ADAMTS17: variants seen among roughly 807,000 people sequenced by gnomAD.
The protein encoded by ADAMTS17 is ADAM metallopeptidase with thrombospondin type 1 motif 17.
A neutral mutation model predicts 141.5 loss-of-function variants in ADAMTS17; 113 were observed. That is an observed-to-expected ratio of 0.80 (90% CI 0.69 to 0.93). The LOEUF is 0.93. Among genes scored for constraint, ADAMTS17 ranks in the 40% least tolerant of loss-of-function variants. ADAMTS17 has a pLI of 0.00. For missense variants in ADAMTS17, 1,659 were observed against 1,517.9 expected (o/e 1.09, Z -1.54); for synonymous variants, 768 against 630.6 (o/e 1.22, Z -3.27).
intron 4 of ADAMTS17, among the ~76,000 whole-genome samples, chr15:100,270,554 C>G (rs761871236): frequency 2.0e-5 from 3 of 151,828 alleles, no homozygotes; most frequent in Non-Finnish European, 4.4e-5. Flanking sequence ...CTGAATCCTT[C>G]GCAAAGGATG....
chr15:100,182,296 A>T (rs2040552054), intron 8 of ADAMTS17, among the ~76,000 whole-genome samples: 1 of 152,264 alleles, frequency 6.6e-6, no homozygotes, highest in Non-Finnish European at 1.5e-5. Flanking sequence ...AAATGATCAG[A>T]TCTGGTGAGC....
At chr15:100,110,650 T>C (rs1486384062) in intron 13 of ADAMTS17, among the ~76,000 whole-genome samples, 2 of 152,090 alleles carry the variant, frequency 1.3e-5, no homozygotes, top group East Asian at 3.9e-4. Flanking sequence ...ATTTTTCTCC[T>C]CTCTCTCTCT....
At chr15:100,314,331 A>C (rs1191707380) in intron 3 of ADAMTS17, among the ~76,000 whole-genome samples, 1 of 152,262 alleles carries the variant, frequency 6.6e-6, no homozygotes, top group Non-Finnish European at 1.5e-5. Flanking sequence ...CGTATTAGAT[A>C]ACAGTATTGT....
At chr15:100,008,977 C>T (rs1343277508) in intron 18 of ADAMTS17, among the ~76,000 whole-genome samples, 2 of 152,264 alleles carry the variant, frequency 1.3e-5, no homozygotes, top group East Asian at 1.9e-4. Context: ...ATAGCTGGGA[C>T]GACAGGCGTG....
Position 99,997,633 on chromosome 15 carries a change from G to A in ADAMTS17, c.2592-44C>T, listed in dbSNP as rs773881815. The stretch of plus-strand genomic sequence containing the variant: ...GAGAGAGAGAACGACTGGGTGAGAG[G>A]CCAGCCTCTCCGGAGGGCCTTCCGG... On this transcript the variant is annotated intron_variant, in intron 18 of 21. Coordinates refer to ENST00000268070, the MANE Select transcript of ADAMTS17 (RefSeq NM_139057.4). The surrounding 1 kb of genome is among the most constrained non-coding windows in gnomAD (Gnocchi z 4.7). The A allele has an allele frequency of 1.9e-6, 3 of 1,609,260 alleles. No homozygotes were observed. The highest frequency in any genetic ancestry group is 2.0e-4 in the Middle Eastern group (1 of 5,020).
intron 15 of ADAMTS17, among the ~76,000 whole-genome samples, chr15:100,075,040 GT>G (rs150015035): frequency 0.039 from 5,944 of 151,940 alleles, 417 homozygotes; most frequent in African/African-American, 0.14. Context: ...TGTTATTTTT[GT>G]TTTATTTAAT....
intron 7 of ADAMTS17, among the ~76,000 whole-genome samples, chr15:100,245,626 T>G (rs1462666101): frequency 6.6e-6 from 1 of 152,220 alleles, no homozygotes; most frequent in African/African-American, 2.4e-5. Flanking sequence ...ACAAGAAAAG[T>G]TGAACTTGGT....
intron 7 of ADAMTS17, among the ~76,000 whole-genome samples, chr15:100,220,390 C>T (rs2042097233): frequency 6.6e-6 from 1 of 152,178 alleles, no homozygotes; most frequent in South Asian, 2.1e-4. Context: ...GAACGCTTCA[C>T]TGTGAAAATA....
At chr15:100,323,177 T>C (rs949465226) in intron 3 of ADAMTS17, among the ~76,000 whole-genome samples, 1 of 151,046 alleles carries the variant, frequency 6.6e-6, no homozygotes, top group Non-Finnish European at 1.5e-5. Flanking sequence ...ATTTATAGCA[T>C]AATATTTACT....
chr15:100,018,185 G>GC (rs59012356), intron 18 of ADAMTS17, among the ~76,000 whole-genome samples: 23,201 of 152,066 alleles, frequency 0.15, 4,828 homozygotes, highest in African/African-American at 0.47. Flanking sequence ...TCTGTGACGG[G>GC]TTTTCACTTA....
At chr15:100,119,945 T>C (rs10400854) in intron 12 of ADAMTS17, among the ~76,000 whole-genome samples, 19,835 of 152,252 alleles carry the variant, frequency 0.13, 1,544 homozygotes, top group Admixed American at 0.2. Context: ...ACCACTAACC[T>C]TATGAAATGG....
rs2060836753 is a variant in ADAMTS17 at position 99,997,872 on chromosome 15, T to G, written c.2592-283A>C. 6.6e-6 allele frequency among the ~76,000 whole-genome samples: 1 copy of G among 152,058 alleles called. No homozygotes were observed. The highest frequency in any genetic ancestry group is 2.4e-5 in the African/African-American group (1 of 41,418). The stretch of plus-strand genomic sequence containing the variant: ...TGGTCACGGCCTCCCTGTAGGGAAT[T>G]ACGTATCTGCTTGTCGTCATAGGAC... On this transcript the variant is annotated intron_variant, in intron 18 of 21. Transcript: ENST00000268070. This position sits in a 1 kb window ranked among gnomAD's most constrained non-coding sequence, Gnocchi z 4.7.
At chr15:100,187,868 G>A (rs1304755189) in intron 8 of ADAMTS17, among the ~76,000 whole-genome samples, 1 of 152,194 alleles carries the variant, frequency 6.6e-6, no homozygotes. Flanking sequence ...AAAGGCAAGA[G>A]AGCAAAGTCA....
intron 14 of ADAMTS17, among the ~76,000 whole-genome samples, chr15:100,104,801 C>T (rs890523616): frequency 6.6e-6 from 1 of 152,178 alleles, no homozygotes; most frequent in African/African-American, 2.4e-5. Flanking sequence ...TTTTCCTTAA[C>T]CATTTCTTTC....
chr15:99,974,602 G>T (rs1247878809), intron 21 of ADAMTS17, 40 bp from the exon 22 acceptor site: 3 of 1,613,414 alleles, frequency 1.9e-6, no homozygotes, highest in South Asian at 2.2e-5. Flanking sequence ...GTCAGGGATG[G>T]CCTAGGCATG....
chr15:100,148,025 C>A (rs1214634024), intron 10 of ADAMTS17, among the ~76,000 whole-genome samples: 1 of 152,228 alleles, frequency 6.6e-6, no homozygotes, highest in African/African-American at 2.4e-5. Context: ...CTTCATGCTT[C>A]TATTGCTACA....
intron 7 of ADAMTS17, among the ~76,000 whole-genome samples, chr15:100,250,150 CCAAAAAAGATGAGT>C (rs2043109035): frequency 6.6e-6 from 1 of 152,128 alleles, no homozygotes; most frequent in Admixed American, 6.6e-5. Flanking sequence ...CCAGATTGAG[CCAAAAAAGATGAGT>C]ATAAGCATAA....
Position 100,261,631 on chromosome 15 carries a change from C to A in ADAMTS17, c.879G>T (p.Lys293Asn). The change falls in exon 6 of 22, where the codon AAG (lysine) becomes AAT (asparagine). Residue 293 changes from lysine (K) to asparagine (N), a missense_variant. Transcript: ENST00000268070. The stretch of plus-strand genomic sequence containing the variant: ...GCTCACCATGGTGCCCAATGGACAA[C>A]TTAGCCTAAAAAAAGTCAGAGGACA... ...KLVLLRQRPAKLSIGHHGERS... is the reference protein window; with the variant it reads ...KLVLLRQRPANLSIGHHGERS... 1.2e-6 allele frequency: 2 copies of A among 1,613,748 alleles called. No individual in the cohort carries two copies. The highest frequency in any genetic ancestry group is 1.7e-6 in the Non-Finnish European group (2 of 1,179,844).
intron 15 of ADAMTS17, among the ~76,000 whole-genome samples, chr15:100,073,474 T>C (rs1417593692): frequency 6.6e-6 from 1 of 152,012 alleles, no homozygotes; most frequent in South Asian, 2.1e-4. Context: ...GTATGTTTAT[T>C]GCGGCACTAT....
Sources: gnomAD v4.1 joint callset for allele counts (sites outside exome capture counted in the v4.1 genomes callset) on GRCh38, gnomAD v4.1.1 for gene constraint, Gnocchi (gnomAD v3.1) non-coding constraint, MANE v1.5 for transcripts, NCBI Gene and HGNC (gene_info 2026-07-23, HGNC 2026-07-21) for gene names.